Variants in PCDHGB1 observed in about 807,000 individuals in gnomAD.
PCDHGB1 encodes the protein protocadherin gamma-B1.
A neutral mutation model predicts 56.6 loss-of-function variants in PCDHGB1; 34 were observed. The ratio of observed to expected loss-of-function variants is 0.60; its 90% CI spans 0.46 to 0.80. PCDHGB1 has a LOEUF of 0.80. Ranked by LOEUF, PCDHGB1 falls within the 30% of genes least tolerant of loss-of-function variation. The pLI, the probability that PCDHGB1 is intolerant of heterozygous loss-of-function variation, is 0.00. For synonymous variants in PCDHGB1, 561 were observed against 505.9 expected (o/e 1.11, Z -1.46); for missense variants, 1,278 against 1,204.6 (o/e 1.06, Z -0.90).
intron 2 of PCDHGB1, 76 bp from the exon 3 acceptor site, chr5:141,505,317 G>T: frequency 6.2e-7 from 1 of 1,603,092 alleles, no homozygotes. Flanking sequence ...AGGTTTGGGA[G>T]CCCTGGGAGA....
intron 1 of PCDHGB1, chr5:141,420,440 C>G (rs1298244162): frequency 9.3e-7 from 1 of 1,076,214 alleles, no homozygotes; most frequent in Non-Finnish European, 1.2e-6. Context: ...AATTAAATGC[C>G]TCAGTCTTCC....
At position 141,418,475 on chromosome 5, in the gene PCDHGB1, A is replaced by G; in HGVS notation, c.2409+65806A>G. On this transcript the variant is annotated intron_variant, in intron 1 of 3. Transcript: ENST00000523390. The stretch of plus-strand genomic sequence containing the variant: ...GAAGACTCTGGACCGAGAAACGCAG[A>G]GCGCTCACCACTTGGTACTGACCGC... 3 of 1,614,000 alleles carry G rather than the reference A, an allele frequency of 1.9e-6. No individual in the cohort carries two copies. Among genetic ancestry groups the G allele is most frequent in the Non-Finnish European group, 2.5e-6 (3 of 1,179,892 alleles).
intron 1 of PCDHGB1, chr5:141,383,071 G>A (rs1778782498): frequency 1.2e-6 from 2 of 1,613,916 alleles, no homozygotes; most frequent in South Asian, 1.1e-5. Context: ...GGAGCCCCGG[G>A]AGCTGGCGGA....
intron 1 of PCDHGB1, chr5:141,389,471 A>C: frequency 6.2e-7 from 1 of 1,613,210 alleles, no homozygotes; most frequent in Non-Finnish European, 8.5e-7. Context: ...TCGAACTCAC[A>C]CTGCAGGCCC....
intron 1 of PCDHGB1, among the ~76,000 whole-genome samples, chr5:141,450,088 C>T (rs1358812478): frequency 1.3e-5 from 2 of 148,484 alleles, no homozygotes; most frequent in East Asian, 2.0e-4. Context: ...CTCACTGCAA[C>T]CTCCGCCTCC....
intron 1 of PCDHGB1, among the ~76,000 whole-genome samples, chr5:141,437,886 C>T (rs763669578): frequency 1.1e-4 from 17 of 152,140 alleles, no homozygotes; most frequent in Non-Finnish European, 1.5e-4. Context: ...TACAGGCACA[C>T]GCCACCACAC....
intron 1 of PCDHGB1, chr5:141,355,546 A>T: frequency 6.2e-7 from 1 of 1,613,986 alleles, no homozygotes; most frequent in South Asian, 1.1e-5. Flanking sequence ...TACAGTGAAG[A>T]TTTTGCGGGT....
intron 2 of PCDHGB1, among the ~76,000 whole-genome samples, chr5:141,501,279 A>T (rs1180397181): frequency 3.0e-5 from 4 of 135,444 alleles, no homozygotes. Context: ...AGTCTATGGG[A>T]TATTCCCTTA....
chr5:141,399,685 C>G (rs1344845350), intron 1 of PCDHGB1: 1 of 1,613,532 alleles, frequency 6.2e-7, no homozygotes, highest in African/African-American at 1.3e-5. Context: ...TGACTACGAG[C>G]AGCTGCGCAC....
In PCDHGB1 at chr5:141,404,306, T is replaced by C. The variant is rs200297928; in HGVS notation, c.2409+51637T>C. 1,450 of 1,613,824 alleles carry C rather than the reference T, an allele frequency of 9.0e-4. 2 individuals carry two copies. Among genetic ancestry groups the C allele is most frequent in the Admixed American group, 2.4e-3 (143 of 60,004 alleles). ...TGACATCAATGATAATCCACCTGCT[T>C]TCTCTCAAGCCTCCTACTCAGTCTA... On this transcript the variant is annotated intron_variant, in intron 1 of 3. Coordinates refer to ENST00000523390, the MANE Select transcript of PCDHGB1 (RefSeq NM_018922.3).
At chr5:141,428,320 T>G in intron 1 of PCDHGB1, 2 of 650,176 alleles carry the variant, frequency 3.1e-6, no homozygotes, top group Non-Finnish European at 5.5e-6. Context: ...GGCCTTGGCC[T>G]TGATTTCTAT....
At chr5:141,405,648 G>T (rs936380418) in intron 1 of PCDHGB1, 5 of 523,616 alleles carry the variant, frequency 9.5e-6, no homozygotes, top group African/African-American at 3.9e-5. Context: ...CTAATTTTTT[G>T]TGTGTTTTTA....
chr5:141,403,604 G>C, intron 1 of PCDHGB1: 2 of 1,613,768 alleles, frequency 1.2e-6, no homozygotes, highest in Non-Finnish European at 1.7e-6. Flanking sequence ...CTCGGATGGC[G>C]GCGAGCCGCG....
In PCDHGB1 at chr5:141,353,085, C is replaced by T. The variant is rs368058412; in HGVS notation, c.2409+416C>T. 3.9e-4 allele frequency among the ~76,000 whole-genome samples: 60 copies of T among 152,096 alleles called. No individual in the cohort carries two copies. In the East Asian group the frequency reaches 6.0e-3, roughly 15 times the overall value. On this transcript the variant is annotated intron_variant, in intron 1 of 3. Transcript: ENST00000523390. The stretch of plus-strand genomic sequence containing the variant: ...ATTGTTCTAGTGATGGTATCTACTG[C>T]GGGAGGGGGTACTAGATAGATGGAG...
chr5:141,391,887 T>C (rs970251505), intron 1 of PCDHGB1: 1 of 152,200 alleles, frequency 6.6e-6, no homozygotes, highest in Non-Finnish European at 1.5e-5. Context: ...GTGAAAGGGA[T>C]GGGATGGAGC....
At chr5:141,408,763 T>C in intron 1 of PCDHGB1, 1 of 1,611,150 alleles carries the variant, frequency 6.2e-7, no homozygotes. Context: ...TTAATTCCGA[T>C]GGTGGCAAAT....
chr5:141,372,297 A>G, intron 1 of PCDHGB1: 1 of 1,613,298 alleles, frequency 6.2e-7, no homozygotes, highest in South Asian at 1.1e-5. Context: ...CTTGGGCGAC[A>G]GGGAGGCCGC....
At chr5:141,494,759 C>G (rs776923097) in intron 1 of PCDHGB1, 48 bp from the exon 2 acceptor site, 2 of 1,613,886 alleles carry the variant, frequency 1.2e-6, no homozygotes, top group Middle Eastern at 1.6e-4. Flanking sequence ...GGGTGACATT[C>G]TAACTTCTCA....
rs1588483338 is a variant in PCDHGB1, at chr5:141,350,782, C to T, written c.522C>T (p.Tyr174=). ...LKLYTINPNQ[Y]FSLSTKESPD... is the part of the protein sequence containing the mutation. ...TATACACCATCAACCCCAATCAATA[C>T]TTCTCTCTGTCAACGAAGGAAAGTC... Residue 174 remains tyrosine, a synonymous_variant, in exon 1 of 4, where the codon TAC becomes TAT. Coordinates refer to ENST00000523390, the MANE Select transcript of PCDHGB1 (RefSeq NM_018922.3). The T allele has an allele frequency of 1.2e-6, 2 of 1,613,836 alleles. No homozygotes were observed. The highest frequency in any genetic ancestry group is 2.2e-5 in the East Asian group (1 of 44,886).
Sources: gnomAD v4.1 joint callset for allele counts (sites outside exome capture counted in the v4.1 genomes callset) on GRCh38, gnomAD v4.1.1 for gene constraint, MANE v1.5 for transcripts, NCBI Gene and HGNC (gene_info 2026-07-23, HGNC 2026-07-21) for gene names.